Variants in IKZF4 observed in about 807,000 individuals in gnomAD.
IKZF4 encodes the protein IKAROS family zinc finger 4, also known as zinc finger protein Eos.
Under a neutral mutation model 47.7 loss-of-function variants are expected in IKZF4, and 11 were observed. The observed-to-expected ratio is 0.23, with a 90% CI of 0.15 to 0.38. The LOEUF (loss-of-function observed/expected upper bound fraction) is 0.38, where lower values mean the gene tolerates loss of function less well. Ranked by LOEUF, IKZF4 falls within the 10% of genes least tolerant of loss-of-function variation. The pLI, the probability that IKZF4 is intolerant of heterozygous loss-of-function variation, is 1.00. For synonymous variants in IKZF4, 298 were observed against 299.4 expected (o/e 1.00, Z 0.05); for missense variants, 557 against 784.9 (o/e 0.71, Z 3.47).
At chr12:56,030,807 G>A (rs932435520) in intron 5 of IKZF4, among the ~76,000 whole-genome samples, 7 of 152,258 alleles carry the variant, frequency 4.6e-5, no homozygotes, top group South Asian at 2.1e-4. Context: ...GGTGGATAGC[G>A]AGAGGCTGGT....
chr12:56,022,235 T>G (rs1893137178), intron 1 of IKZF4, among the ~76,000 whole-genome samples: 1 of 152,186 alleles, frequency 6.6e-6, no homozygotes, highest in East Asian at 1.9e-4. Flanking sequence ...GAGGCTAGCC[T>G]CCTTTAACAT....
At chr12:56,030,434 GAAA>G (rs769748334) in intron 5 of IKZF4, among the ~76,000 whole-genome samples, 1 of 129,632 alleles carries the variant, frequency 7.7e-6, no homozygotes, top group African/African-American at 2.9e-5. Flanking sequence ...CCATCTTGGG[GAAA>G]AAAAAAAAAA....
At chr12:56,012,892 G>C (rs976739062) in intron 2 of IKZF4, among the ~76,000 whole-genome samples, 2 of 152,196 alleles carry the variant, frequency 1.3e-5, no homozygotes, top group Non-Finnish European at 2.9e-5. Flanking sequence ...GCTGAGGAAG[G>C]AGGATTGCTT....
Position 56,021,507 on chromosome 12 carries a change from C to T in IKZF4, c.14C>T (p.Pro5Leu), listed in dbSNP as rs764484568. The change falls in exon 1 of 8, where the codon CCC (proline) becomes CTC (leucine). Residue 5 changes from proline to leucine, a missense_variant. Physicochemically the swap from Pro to Leu is moderately conservative, Grantham distance 98. Transcript: ENST00000547167. The part of the protein sequence containing the change: MHTP[P>L]ALPRRFQGGG... ...TGAGACGCAGACATGCATACACCACCCGCACTCCCTCGCCGTTTCCAAGGC... is the reference window on the plus strand; with the variant it reads ...TGAGACGCAGACATGCATACACCACTCGCACTCCCTCGCCGTTTCCAAGGC... 2.5e-6 allele frequency: 4 copies of T among 1,604,970 alleles called. No individual in the cohort carries two copies. The highest frequency in any genetic ancestry group is 3.4e-6 in the Non-Finnish European group (4 of 1,176,468).
Position 56,035,707 on chromosome 12 carries a change from C to A in IKZF4, c.*376C>A. Reference sequence around the variant, plus strand: ...GCCAATTTTTCTCTCTTAGATCTTCCAGCAGCCCCAGGGGTAGGAAGCTCC... The same window carrying A: ...GCCAATTTTTCTCTCTTAGATCTTCAAGCAGCCCCAGGGGTAGGAAGCTCC... On this transcript the variant is annotated 3_prime_UTR_variant, in exon 8 of 8. Transcript: ENST00000547167. This position sits in a 1 kb window ranked among gnomAD's most constrained non-coding sequence, Gnocchi z 6.1. 2 of 178,040 alleles carry A rather than the reference C, an allele frequency of 1.1e-5. No homozygotes were observed. Among genetic ancestry groups the A allele is most frequent in the South Asian group, 1.4e-4 (1 of 7,382 alleles). 11.0% of individuals were successfully genotyped at this position (178,040 alleles called of 1,614,324 possible). A position where few individuals can be genotyped will look rare whatever the true frequency, so the allele number is the denominator to read the frequency against.
chr12:56,027,115 A>G (rs1592961630), intron 4 of IKZF4, 74 bp downstream of exon 4: 1 of 1,353,590 alleles, frequency 7.4e-7, no homozygotes, highest in Non-Finnish European at 9.6e-7. Context: ...CTGGGACAAC[A>G]GCAGGTATGG....
upstream of IKZF4, among the ~76,000 whole-genome samples, chr12:56,019,626 C>T (rs932956334): frequency 2.0e-5 from 3 of 152,190 alleles, no homozygotes; most frequent in African/African-American, 4.8e-5. Context: ...ATTCAGAAAA[C>T]CACTACTGAG....
At chr12:56,024,916 C>T in intron 2 of IKZF4, 138 bp from the exon 3 acceptor site, 1 of 1,515,312 alleles carries the variant, frequency 6.6e-7, no homozygotes, top group Non-Finnish European at 8.8e-7. Context: ...GTATGGTGCC[C>T]AGCATACAAC....
chr12:56,015,816 T>C (rs573558087), intron 2 of IKZF4, among the ~76,000 whole-genome samples: 40 of 152,316 alleles, frequency 2.6e-4, no homozygotes, highest in African/African-American at 9.1e-4. Flanking sequence ...ATCTCAAGTT[T>C]TGTGGCTAGT....
intron 2 of IKZF4, chr12:56,011,886 C>T (rs1025181620): frequency 3.9e-5 from 6 of 152,112 alleles, no homozygotes; most frequent in African/African-American, 1.4e-4. Flanking sequence ...TGCGTCTTCT[C>T]CCTCCTCAAT....
At chr12:56,025,229 C>T (rs1003237334) in intron 3 of IKZF4, 71 bp downstream of exon 3, 18 of 1,428,968 alleles carry the variant, frequency 1.3e-5, no homozygotes, top group Non-Finnish European at 1.7e-5. Context: ...ATTCACCTTC[C>T]ACTGGCAACC....
chr12:56,032,526 T>C (rs764253903), intron 5 of IKZF4, 35 bp from the exon 6 acceptor site: 16 of 1,582,132 alleles, frequency 1.0e-5, no homozygotes, highest in South Asian at 9.1e-5. Flanking sequence ...CAGCGAGAAA[T>C]AGCTCTGATG....
intron 2 of IKZF4, among the ~76,000 whole-genome samples, chr12:56,013,833 C>A (rs1404324692): frequency 6.6e-6 from 1 of 152,194 alleles, no homozygotes; most frequent in Non-Finnish European, 1.5e-5. Context: ...CCTCTCACTT[C>A]CAGGGTTACC....
chr12:56,027,973 G>A lies in IKZF4; in HGVS notation c.715+26G>A, dbSNP rs747561715. The A allele has an allele frequency of 3.9e-6, 6 of 1,527,642 alleles. No homozygotes were observed. In the East Asian group the frequency reaches 9.1e-5, roughly 23 times the overall value. The allele number at this position is 1,527,642 out of a possible 1,614,324, so 94.6% of individuals were successfully genotyped here. A position where few individuals can be genotyped will look rare whatever the true frequency, so the allele number is the denominator to read the frequency against. ...GTCAGTGTCTGTCCAGTGGGAGGAG[G>A]GAATGAGGCTCCAACACACCCAGTA... is the stretch of plus-strand genomic sequence containing the variant. On this transcript the variant is annotated intron_variant, in intron 5 of 7. Coordinates refer to ENST00000547167, the MANE Select transcript of IKZF4 (RefSeq NM_022465.4).
upstream of IKZF4, among the ~76,000 whole-genome samples, chr12:56,016,948 T>G (rs554392834): frequency 6.6e-6 from 1 of 152,132 alleles, no homozygotes; most frequent in East Asian, 1.9e-4. Context: ...CAGGCTGGTC[T>G]TGAACTCCTG....
Position 56,021,525 on chromosome 12 carries a change from T to TCCAAGGCGGCGGC in IKZF4, c.34_46dup (p.Arg16ProfsTer18). ...ACACCACCCGCACTCCCTCGCCGTT[T>TCCAAGGCGGCGGC]CCAAGGCGGCGGCCGCGTTCGCACC... On this transcript the variant is annotated frameshift_variant, in exon 1 of 8. Transcript: ENST00000547167. LOFTEE classifies it high-confidence loss of function. The TCCAAGGCGGCGGC allele has an allele frequency of 6.2e-7, 1 of 1,609,016 alleles. No homozygotes were observed. Among genetic ancestry groups the TCCAAGGCGGCGGC allele is most frequent in the Middle Eastern group, 1.7e-4 (1 of 6,058 alleles).
intron 2 of IKZF4, among the ~76,000 whole-genome samples, chr12:56,015,148 C>T (rs947907869): frequency 3.9e-5 from 6 of 152,154 alleles, no homozygotes; most frequent in African/African-American, 1.4e-4. Flanking sequence ...ACGATCTCGG[C>T]TCACTGCAAC....
upstream of IKZF4, chr12:56,020,842 C>T (rs1457409504): frequency 2.7e-6 from 2 of 736,002 alleles, no homozygotes; most frequent in Middle Eastern, 6.7e-4. Flanking sequence ...GAGCAACCTT[C>T]CTCCTGGAGG....
Position 56,034,681 on chromosome 12 carries a change from G to C in IKZF4, c.1108G>C (p.Gly370Arg), listed in dbSNP as rs746147873. ...VAHHSLEPGF[G>R]SSLAFVGAEH... ...ACACCACAGCCTAGAGCCTGGCTTT[G>C]GAAGTTCCCTGGCCTTTGTGGGTGC... Residue 370 changes from glycine to arginine, a missense_variant, in exon 8 of 8, where the codon GGA becomes CGA. Physicochemically the swap from Gly to Arg is moderately radical, Grantham distance 125. Coordinates refer to ENST00000547167, the MANE Select transcript of IKZF4 (RefSeq NM_022465.4). 2.8e-5 allele frequency: 46 copies of C among 1,614,050 alleles called. No individual in the cohort carries two copies. The Admixed American group carries it at 7.7e-4, about 27-fold the overall frequency.
Sources: allele counts gnomAD v4.1 joint callset (sites outside exome capture counted in the v4.1 genomes callset), GRCh38; gene constraint gnomAD v4.1.1; non-coding constraint Gnocchi (gnomAD v3.1); transcripts MANE v1.5; gene names NCBI Gene and HGNC (gene_info 2026-07-23, HGNC 2026-07-21).